Variants in MEOX2 observed in about 807,000 individuals in gnomAD.
MEOX2 encodes the protein mesenchyme homeobox 2.
A neutral mutation model predicts 27.0 loss-of-function variants in MEOX2; 11 were observed. That is an observed-to-expected ratio of 0.41 (90% confidence interval 0.26 to 0.68). MEOX2 has a LOEUF of 0.68. Ranked by LOEUF, MEOX2 falls within the 30% of genes least tolerant of loss-of-function variation. The pLI, the probability that MEOX2 is intolerant of heterozygous loss-of-function variation, is 0.33. For missense variants in MEOX2, 436 were observed against 385.4 expected (o/e 1.13, Z -1.10); for synonymous variants, 189 against 155.4 (o/e 1.22, Z -1.61).
chr7:15,627,808 A>AACACACACACACACACACACAC (rs71549949), intron 1 of MEOX2, among the ~76,000 whole-genome samples: 4,284 of 147,320 alleles, frequency 0.029, 79 homozygotes, highest in East Asian at 0.056. Context: ...ATCAATAGTA[A>AACACACACACACACACACACAC]ACACACACAC....
intron 1 of MEOX2, among the ~76,000 whole-genome samples, chr7:15,651,921 C>T (rs1781737217): frequency 6.6e-6 from 1 of 152,002 alleles, no homozygotes; most frequent in South Asian, 2.1e-4. Flanking sequence ...AGTAATTTCA[C>T]TTCCCCAACA....
chr7:15,666,596 C>CA (rs1782007529), intron 1 of MEOX2, among the ~76,000 whole-genome samples: 1 of 150,744 alleles, frequency 6.6e-6, no homozygotes, highest in South Asian at 2.1e-4. Context: ...TACTAAAATA[C>CA]AAAAAATTAG....
chr7:15,613,912 G>C (rs1316217097), intron 2 of MEOX2, among the ~76,000 whole-genome samples: 1 of 151,920 alleles, frequency 6.6e-6, no homozygotes, highest in South Asian at 2.1e-4. Flanking sequence ...AGCATATCAT[G>C]GGAACTTCCC....
chr7:15,678,985 A>C (rs922669195), intron 1 of MEOX2: 15 of 152,192 alleles, frequency 9.9e-5, no homozygotes, highest in African/African-American at 3.6e-4. Flanking sequence ...AGAAAACAAA[A>C]ACTGCAGGGA....
intron 1 of MEOX2, among the ~76,000 whole-genome samples, chr7:15,648,315 C>A (rs571252839): frequency 6.6e-6 from 1 of 152,116 alleles, no homozygotes; most frequent in Non-Finnish European, 1.5e-5. Flanking sequence ...ACCCTACAAT[C>A]GTAATAAACG....
intron 2 of MEOX2, among the ~76,000 whole-genome samples, chr7:15,623,145 C>A (rs1267227632): frequency 2.0e-5 from 3 of 152,164 alleles, no homozygotes; most frequent in African/African-American, 4.8e-5. Flanking sequence ...TTAAAGTGTT[C>A]TGTTTGTAAT....
intron 1 of MEOX2, among the ~76,000 whole-genome samples, chr7:15,638,824 A>G (rs1781521219): frequency 6.6e-6 from 1 of 152,108 alleles, no homozygotes; most frequent in Non-Finnish European, 1.5e-5. Flanking sequence ...TACCTTTTTT[A>G]TGGCTCCATA....
At chr7:15,646,983 C>T (rs1199180836) in intron 1 of MEOX2, among the ~76,000 whole-genome samples, 2 of 151,874 alleles carry the variant, frequency 1.3e-5, no homozygotes, top group Admixed American at 1.3e-4. Context: ...ATTTATATAT[C>T]TGGACATACT....
intron 1 of MEOX2, among the ~76,000 whole-genome samples, chr7:15,663,983 T>C (rs1425143991): frequency 6.6e-6 from 1 of 152,246 alleles, no homozygotes; most frequent in Non-Finnish European, 1.5e-5. Context: ...GAGAAGTTTA[T>C]CAAATCTTGA....
At chr7:15,666,485 G>A (rs1782005278) in intron 1 of MEOX2, among the ~76,000 whole-genome samples, 3 of 151,974 alleles carry the variant, frequency 2.0e-5, no homozygotes, top group Admixed American at 1.3e-4. Context: ...CGGCTGAGGT[G>A]GCTCATGCCT....
intron 2 of MEOX2, among the ~76,000 whole-genome samples, chr7:15,623,635 G>C (rs1306106940): frequency 6.6e-6 from 1 of 152,184 alleles, no homozygotes; most frequent in Non-Finnish European, 1.5e-5. Context: ...TTCCCAAAGT[G>C]CTGGGACAAG....
intron 1 of MEOX2, among the ~76,000 whole-genome samples, chr7:15,633,697 G>A (rs1217103633): frequency 2.0e-5 from 3 of 151,730 alleles, no homozygotes; most frequent in South Asian, 2.1e-4. Context: ...CATCATAGTC[G>A]CTTTAATGTA....
chr7:15,676,049 T>C (rs1782186969), intron 1 of MEOX2: 1 of 152,196 alleles, frequency 6.6e-6, no homozygotes, highest in African/African-American at 2.4e-5. Context: ...TATATGATCA[T>C]TTAAAATTTC....
chr7:15,635,196 A>G (rs910778553), intron 1 of MEOX2, among the ~76,000 whole-genome samples: 2 of 151,932 alleles, frequency 1.3e-5, no homozygotes, highest in African/African-American at 4.8e-5. Context: ...GGGCTCACCA[A>G]TGGTCACAGA....
At chr7:15,628,761 T>G (rs921434141) in intron 1 of MEOX2, among the ~76,000 whole-genome samples, 1 of 152,110 alleles carries the variant, frequency 6.6e-6, no homozygotes, top group East Asian at 1.9e-4. Context: ...GCTACAGATA[T>G]GTCAGCATCC....
intron 1 of MEOX2, among the ~76,000 whole-genome samples, chr7:15,635,830 G>A (rs1017935137): frequency 3.9e-5 from 6 of 151,934 alleles, no homozygotes; most frequent in African/African-American, 1.4e-4. Context: ...TACAAACGAA[G>A]CTGAAAGTTT....
chr7:15,629,709 T>G, intron 1 of MEOX2, among the ~76,000 whole-genome samples: 1 of 152,110 alleles, frequency 6.6e-6, no homozygotes, highest in East Asian at 1.9e-4. Flanking sequence ...ATTAAAAACA[T>G]GCTTCTTGGA....
rs1781552710 is a variant in MEOX2, at chr7:15,641,085, G to A, written c.518-14167C>T. 2.0e-5 allele frequency among the ~76,000 whole-genome samples: 3 copies of A among 152,082 alleles called. No individual in the cohort carries two copies. In the South Asian group the frequency reaches 6.2e-4, roughly 32 times the overall value. ...TCCTTGATTTCTTGGAATAATTTCA[G>A]TAAGTTGGTACCACTTCTGTCTTGT... On this transcript the variant is annotated intron_variant, in intron 1 of 2. Transcript: ENST00000262041.
chr7:15,667,289 C>CAAAAAAAAAAAAAAAAAA lies in MEOX2; in HGVS notation c.517+18579_517+18596dup, dbSNP rs532691969. On this transcript the variant is annotated intron_variant, in intron 1 of 2. Coordinates refer to ENST00000262041, the MANE Select transcript of MEOX2 (RefSeq NM_005924.5). The stretch of plus-strand genomic sequence containing the variant: ...CTGGCAACAGAGTGAGACTCTGTCT[C>CAAAAAAAAAAAAAAAAAA]AAAAAAAAAAAAAAAAAAAAAAAGT... Among the ~76,000 whole-genome samples, 96 of 40,936 alleles carry CAAAAAAAAAAAAAAAAAA rather than the reference C, an allele frequency of 2.3e-3. 6 individuals carry two copies. The highest frequency in any genetic ancestry group is 2.8e-3 in the South Asian group (2 of 702). The allele number at this position is 40,936 out of a possible 152,430, so 26.9% of individuals were successfully genotyped here.
Sources: allele counts gnomAD v4.1 joint callset (sites outside exome capture counted in the v4.1 genomes callset), GRCh38; gene constraint gnomAD v4.1.1; transcripts MANE v1.5; gene names NCBI Gene and HGNC (gene_info 2026-07-23, HGNC 2026-07-21).